LRRC69: variants seen among roughly 807,000 people sequenced by gnomAD.
The protein encoded by LRRC69 is leucine rich repeat containing 69.
In LRRC69, 42 loss-of-function variants were observed where a neutral mutation model predicts 37.8. That is an observed-to-expected ratio of 1.11 (90% CI 0.87 to 1.44). The LOEUF (loss-of-function observed/expected upper bound fraction) is 1.44. Ranked by LOEUF, LRRC69 falls within the 40% of genes most tolerant of loss-of-function variation. The pLI is 0.00. For synonymous variants in LRRC69, 141 were observed against 143.1 expected (o/e 0.99, Z 0.11); for missense variants, 357 against 401.9 (o/e 0.89, Z 0.96).
At chr8:91,197,126 T>TG (rs945304857) in intron 6 of LRRC69, among the ~76,000 whole-genome samples, 1 of 152,034 alleles carries the variant, frequency 6.6e-6, no homozygotes, top group African/African-American at 2.4e-5. Flanking sequence ...GTGCCCCTGC[T>TG]GGGGGGTGCC....
At chr8:91,206,204 C>A (rs1221769070) in intron 7 of LRRC69, among the ~76,000 whole-genome samples, 2 of 152,180 alleles carry the variant, frequency 1.3e-5, no homozygotes, top group Non-Finnish European at 2.9e-5. Flanking sequence ...CATATTACAT[C>A]TCTATGTATC....
intron 5 of LRRC69, among the ~76,000 whole-genome samples, chr8:91,172,212 C>A (rs183671410): frequency 6.6e-6 from 1 of 151,920 alleles, no homozygotes; most frequent in African/African-American, 2.4e-5. Context: ...AAAAATGCTT[C>A]TATAAAGTTC....
intron 4 of LRRC69, among the ~76,000 whole-genome samples, chr8:91,134,709 C>T (rs1474513641): frequency 6.6e-6 from 1 of 151,992 alleles, no homozygotes; most frequent in African/African-American, 2.4e-5. Context: ...AGTTCTATCC[C>T]AAACAACTGT....
At chr8:91,200,908 T>A (rs1428917550) in intron 7 of LRRC69, 116 bp downstream of exon 7, 5 of 956,816 alleles carry the variant, frequency 5.2e-6, no homozygotes, top group Non-Finnish European at 5.8e-6. Context: ...TAGGATAGTA[T>A]ACTGTAAATT....
chr8:91,205,924 A>G (rs1809796150), intron 7 of LRRC69, among the ~76,000 whole-genome samples: 1 of 152,154 alleles, frequency 6.6e-6, no homozygotes, highest in African/African-American at 2.4e-5. Context: ...TTGCTATGGA[A>G]ATGTCTTTGT....
chr8:91,106,968 ATT>A (rs764290838), intron 1 of LRRC69, among the ~76,000 whole-genome samples: 6 of 136,856 alleles, frequency 4.4e-5, no homozygotes, highest in African/African-American at 7.9e-5. Flanking sequence ...AATTAAAAAA[ATT>A]TTTTTTTTTT....
chr8:91,147,639 A>T (rs1808645658), intron 5 of LRRC69, among the ~76,000 whole-genome samples: 1 of 151,728 alleles, frequency 6.6e-6, no homozygotes, highest in South Asian at 2.1e-4. Flanking sequence ...AAATAATTGG[A>T]TACTTCTTAA....
chr8:91,200,196 C>T (rs1268508258), intron 6 of LRRC69, among the ~76,000 whole-genome samples: 1 of 152,134 alleles, frequency 6.6e-6, no homozygotes, highest in African/African-American at 2.4e-5. Flanking sequence ...AGTCTGTGAA[C>T]CACAGTTCAA....
At chr8:91,112,785 ATC>A (rs1209454633) in intron 1 of LRRC69, among the ~76,000 whole-genome samples, 1 of 152,008 alleles carries the variant, frequency 6.6e-6, no homozygotes, top group Non-Finnish European at 1.5e-5. Context: ...AAATAATGTT[ATC>A]TCTGTTTGCA....
At chr8:91,166,492 GA>G (rs66705016) in intron 5 of LRRC69, among the ~76,000 whole-genome samples, 2,789 of 94,974 alleles carry the variant, frequency 0.029, 48 homozygotes, top group African/African-American at 0.1. Context: ...AAAATAAACT[GA>G]AAAAAAAAAA....
chr8:91,178,761 T>C (rs1586268622), intron 5 of LRRC69, among the ~76,000 whole-genome samples: 1 of 152,216 alleles, frequency 6.6e-6, no homozygotes, highest in African/African-American at 2.4e-5. Context: ...GAAGGGACCT[T>C]AGGAACTGGC....
At chr8:91,202,868 G>A (rs997137626) in intron 7 of LRRC69, among the ~76,000 whole-genome samples, 4 of 152,190 alleles carry the variant, frequency 2.6e-5, no homozygotes, top group African/African-American at 9.6e-5. Flanking sequence ...AGATTAGGCA[G>A]TAGGCTATTT....
chr8:91,144,054 G>T (rs148209631), intron 5 of LRRC69, among the ~76,000 whole-genome samples: 146 of 152,004 alleles, frequency 9.6e-4, no homozygotes, highest in African/African-American at 3.4e-3. Context: ...TAGAATGAAT[G>T]AATAATTAAA....
intron 5 of LRRC69, among the ~76,000 whole-genome samples, chr8:91,177,825 C>G (rs1809258571): frequency 6.7e-6 from 1 of 149,908 alleles, no homozygotes; most frequent in South Asian, 2.1e-4. Flanking sequence ...GTTTTATTCT[C>G]TAATACTAAA....
chr8:91,157,107 G>T (rs1175659865), intron 5 of LRRC69, among the ~76,000 whole-genome samples: 2 of 150,986 alleles, frequency 1.3e-5, no homozygotes, highest in East Asian at 3.9e-4. Flanking sequence ...GGGGTCTTCT[G>T]TGGTTCCATA....
intron 3 of LRRC69, among the ~76,000 whole-genome samples, chr8:91,132,702 A>G (rs767453304): frequency 6.6e-5 from 10 of 151,878 alleles, no homozygotes; most frequent in Non-Finnish European, 8.8e-5. Context: ...ACTCATATCT[A>G]TTTGGTACTA....
rs1586254744 is a variant in LRRC69, at chr8:91,158,713, C to T, written c.651+22974C>T. 2.7e-6 allele frequency: 3 copies of T among 1,107,874 alleles called. 1 individual carries two copies. The East Asian group carries it at 7.1e-5, about 26-fold the overall frequency. The allele number at this position is 1,107,874 out of a possible 1,614,324, so 68.6% of individuals were successfully genotyped here. ...CACATTCATGCTGGAATGGAAACCA[C>T]TTACATTGTTCTACAAAATGAAGAC... On this transcript the variant is annotated intron_variant, in intron 5 of 7. Transcript: ENST00000448384.
intron 5 of LRRC69, among the ~76,000 whole-genome samples, chr8:91,177,908 G>A (rs1016051604): frequency 6.7e-6 from 1 of 148,478 alleles, no homozygotes; most frequent in Non-Finnish European, 1.5e-5. Context: ...GAGTACAGTG[G>A]CATGATCTCG....
At chr8:91,135,398 C>T (rs944764483) in intron 4 of LRRC69, among the ~76,000 whole-genome samples, 2 of 151,956 alleles carry the variant, frequency 1.3e-5, no homozygotes, top group Non-Finnish European at 2.9e-5. Flanking sequence ...ATAGTACCTG[C>T]CAGAGGTGAG....
Sources: gnomAD v4.1 joint callset for allele counts (sites outside exome capture counted in the v4.1 genomes callset) on GRCh38, gnomAD v4.1.1 for gene constraint, MANE v1.5 for transcripts, NCBI Gene and HGNC (gene_info 2026-07-23, HGNC 2026-07-21) for gene names.